The following DBT variants were observed in gnomAD, a reference collection of about 807,000 sequenced individuals.
DBT encodes the protein lipoamide acyltransferase component of branched-chain alpha-keto acid dehydrogenase complex, mitochondrial.
DBT carries 40 observed loss-of-function variants against 51.3 expected under a neutral mutation model. The ratio of observed to expected loss-of-function variants is 0.78; its 90% CI spans 0.61 to 1.02. DBT has a LOEUF of 1.02. Ranked by LOEUF, DBT falls within the 50% of genes least tolerant of loss-of-function variation. The pLI is 0.00. For synonymous variants in DBT, 181 were observed against 190.4 expected, an observed-to-expected ratio of 0.95 and a Z score of 0.41; for missense variants, 510 against 580.2, an observed-to-expected ratio of 0.88 and a Z score of 1.24.
Position 100,218,647 on chromosome 1 carries a change from G to T in DBT, c.534C>A (p.Arg178=), listed in dbSNP as rs753913151. ...TTACATTGTTTTCCATTGCCAGACG[G>T]CGAACTGCAGGAGTTGCCAGTGTTT... ...GRKTLATPAV[R]RLAMENNIKL... The change falls in exon 5 of 11, where the codon CGC becomes CGA. Residue 178 remains arginine, a synonymous_variant. Coordinates refer to ENST00000370132, the MANE Select transcript of DBT (RefSeq NM_001918.5). 1 of 1,613,992 alleles carries T rather than the reference G, an allele frequency of 6.2e-7. No individual in the cohort carries two copies. Among genetic ancestry groups the T allele is most frequent in the South Asian group, 1.1e-5 (1 of 91,078 alleles).
chr1:100,190,378 C>G lies in DBT; in HGVS notation c.*5877G>C, dbSNP rs562874757. ...TTACTTCAACCCATATACCCATATTCTAATAGTTACAAATAAATGACATGG... is the reference window on the plus strand; with the variant it reads ...TTACTTCAACCCATATACCCATATTGTAATAGTTACAAATAAATGACATGG... On this transcript the variant is annotated 3_prime_UTR_variant, in exon 11 of 11. Transcript: ENST00000370132. 2.2e-4 allele frequency: 34 copies of G among 152,258 alleles called. No homozygotes were observed. Among genetic ancestry groups the G allele is most frequent in the Admixed American group, 4.6e-4 (7 of 15,292 alleles). 9.4% of individuals were successfully genotyped at this position (152,258 alleles called of 1,614,324 possible).
chr1:100,218,063 T>C (rs1032397088), intron 5 of DBT, among the ~76,000 whole-genome samples: 1 of 152,186 alleles, frequency 6.6e-6, no homozygotes, highest in African/African-American at 2.4e-5. Flanking sequence ...CCACCTTCCA[T>C]TCAGTCAATG....
chr1:100,249,691 G>A, intron 1 of DBT, 79 bp downstream of exon 1: 2 of 1,416,028 alleles, frequency 1.4e-6, no homozygotes, highest in Non-Finnish European at 2.0e-6. Context: ...GGCACCGGAG[G>A]AGAAAGTAAA....
chr1:100,235,858 G>C (rs1197933575), intron 2 of DBT, among the ~76,000 whole-genome samples: 1 of 152,084 alleles, frequency 6.6e-6, no homozygotes, highest in Non-Finnish European at 1.5e-5. Flanking sequence ...TACAAAGAGA[G>C]ACCCAGCTAG....
chr1:100,194,744 A>T lies in DBT; in HGVS notation c.*1511T>A, dbSNP rs1660995930. ...TCCTCCTGCTTCAGCCTCCCCTATA[A>T]CTGGGATTACAGTTACAAGTCATCA... On this transcript the variant is annotated 3_prime_UTR_variant, in exon 11 of 11. Coordinates refer to ENST00000370132, the MANE Select transcript of DBT (RefSeq NM_001918.5). 6.6e-6 allele frequency: 1 copy of T among 152,086 alleles called. No individual in the cohort carries two copies. Among genetic ancestry groups the T allele is most frequent in the African/African-American group, 2.4e-5 (1 of 41,382 alleles). 9.4% of individuals were successfully genotyped at this position (152,086 alleles called of 1,614,324 possible). A position where few individuals can be genotyped will look rare whatever the true frequency, so the allele number is the denominator to read the frequency against.
rs1570814574 is a variant in DBT, at chr1:100,213,704, GCT to G, written c.939+1111_939+1112del. 15 of 1,592,884 alleles carry G rather than the reference GCT, an allele frequency of 9.4e-6. No individual in the cohort carries two copies. The South Asian group carries it at 1.6e-4, about 17-fold the overall frequency. ...CCAGGCTCGGCCTTTCCTACACCCA[GCT>G]CTCTTTTTCTAATGTAAATGTTGTG... On this transcript the variant is annotated intron_variant, in intron 7 of 10. Transcript: ENST00000370132.
chr1:100,248,319 T>G (rs1664676332), intron 1 of DBT, among the ~76,000 whole-genome samples: 1 of 152,220 alleles, frequency 6.6e-6, no homozygotes, highest in Non-Finnish European at 1.5e-5. Context: ...AGCCACTTAA[T>G]GTGAGCTGAC....
rs965827467 is a variant in DBT at position 100,225,422 on chromosome 1, T to A, written c.433+5311A>T. Among the ~76,000 whole-genome samples, 8 of 152,050 alleles carry A rather than the reference T, an allele frequency of 5.3e-5. No individual in the cohort carries two copies. In the South Asian group the frequency reaches 1.7e-3, roughly 32 times the overall value. On this transcript the variant is annotated intron_variant, in intron 4 of 10. Transcript: ENST00000370132. ...GAATATTAATTTTTGTGAAAAAAAA[T>A]TCTCCAGAAAAAACACAGGCCCCCC... is the stretch of plus-strand genomic sequence containing the variant.
Position 100,214,875 on chromosome 1 carries a change from A to T in DBT, c.881T>A (p.Leu294Ter). 1 of 1,614,158 alleles carries T rather than the reference A, an allele frequency of 6.2e-7. No individual in the cohort carries two copies. Among genetic ancestry groups the T allele is most frequent in the Non-Finnish European group, 8.5e-7 (1 of 1,179,976 alleles). ...LTELVKLREE[L>*]KPIAFARGIK... ...TCCACGAGCAAATGCAATGGGTTTT[A>T]ATTCTTCTCGGAGCTTAACCAGTTC... The change falls in exon 7 of 11, where the codon TTA (leucine) becomes TAA (stop). Residue 294 changes from leucine (L) to a stop codon, truncating the protein, a stop_gained. Coordinates refer to ENST00000370132, the MANE Select transcript of DBT (RefSeq NM_001918.5). LOFTEE classifies it high-confidence loss of function.
intron 10 of DBT, among the ~76,000 whole-genome samples, 157 bp from the exon 11 acceptor site, chr1:100,196,579 A>T (rs891362233): frequency 6.6e-5 from 10 of 152,018 alleles, no homozygotes; most frequent in African/African-American, 2.4e-4. Flanking sequence ...ACTTTTGAAA[A>T]TGCTGATTCC....
chr1:100,216,794 GTTAT>G (rs1168914057), intron 5 of DBT, among the ~76,000 whole-genome samples: 2 of 152,064 alleles, frequency 1.3e-5, no homozygotes, highest in Non-Finnish European at 2.9e-5. Context: ...TCTCAAATTA[GTTAT>G]TTTTCTGGTA....
intron 4 of DBT, 82 bp downstream of exon 4, chr1:100,230,651 A>G: frequency 1.1e-6 from 1 of 879,726 alleles, no homozygotes; most frequent in Non-Finnish European, 1.8e-6. Flanking sequence ...ACAAAAAAAC[A>G]AAGATCACTT....
At chr1:100,204,208 C>A (rs530881437) in intron 10 of DBT, among the ~76,000 whole-genome samples, 1 of 152,112 alleles carries the variant, frequency 6.6e-6, no homozygotes, top group Non-Finnish European at 1.5e-5. Context: ...AAAACCCCAT[C>A]GGCTCAGCCC....
intron 4 of DBT, among the ~76,000 whole-genome samples, chr1:100,220,583 T>C (rs1461071071): frequency 1.3e-5 from 2 of 152,254 alleles, no homozygotes; most frequent in Non-Finnish European, 2.9e-5. Flanking sequence ...CCAAAACTTG[T>C]ATTGAGCATC....
In DBT at chr1:100,195,160, A is replaced by G. The variant is rs570360415; in HGVS notation, c.*1095T>C. The G allele has an allele frequency of 1.3e-5, 2 of 152,740 alleles. No individual in the cohort carries two copies. Among genetic ancestry groups the G allele is most frequent in the South Asian group, 4.1e-4 (2 of 4,826 alleles). The allele number at this position is 152,740 out of a possible 1,614,324, so 9.5% of individuals were successfully genotyped here. ...TTATCCTATTTTTTAGCTGAAGACC[A>G]AAAAAGTTAAAAGGAAGTAGACTTC... On this transcript the variant is annotated 3_prime_UTR_variant, in exon 11 of 11. Transcript: ENST00000370132.
intron 1 of DBT, 21 bp downstream of exon 1, chr1:100,249,749 G>C: frequency 6.2e-7 from 1 of 1,613,068 alleles, no homozygotes; most frequent in East Asian, 2.2e-5. Flanking sequence ...CCCGGCCTCA[G>C]ATCTGCCCAA....
intron 10 of DBT, among the ~76,000 whole-genome samples, chr1:100,197,627 G>C (rs1048774345): frequency 3.9e-5 from 6 of 152,174 alleles, no homozygotes; most frequent in African/African-American, 1.4e-4. Context: ...GCAGAGATTA[G>C]GAACATTAGG....
Position 100,188,719 on chromosome 1 carries a change from G to A in DBT, c.*7536C>T, listed in dbSNP as rs1407535516. ...ACAACAGCTGTTCCCCATGCTCTGC[G>A]TGGTAACATTCCACATGGTACTCCA... On this transcript the variant is annotated 3_prime_UTR_variant, in exon 11 of 11. Coordinates refer to ENST00000370132, the MANE Select transcript of DBT (RefSeq NM_001918.5). The A allele has an allele frequency of 2.6e-5, 4 of 152,084 alleles. No individual in the cohort carries two copies. The highest frequency in any genetic ancestry group is 4.4e-5 in the Non-Finnish European group (3 of 68,044). The allele number at this position is 152,084 out of a possible 1,614,324, so 9.4% of individuals were successfully genotyped here.
intron 4 of DBT, among the ~76,000 whole-genome samples, chr1:100,219,706 G>A (rs1662728503): frequency 6.6e-6 from 1 of 152,080 alleles, no homozygotes; most frequent in Non-Finnish European, 1.5e-5. Flanking sequence ...ACATGTTGGC[G>A]CCACGGCACT....
Sources: gnomAD v4.1 joint callset for allele counts (sites outside exome capture counted in the v4.1 genomes callset) on GRCh38, gnomAD v4.1.1 for gene constraint, MANE v1.5 for transcripts, NCBI Gene and HGNC (gene_info 2026-07-23, HGNC 2026-07-21) for gene names.